The following ADAMTS9 variants were observed in gnomAD, a reference collection of about 807,000 sequenced individuals.
ADAMTS9 encodes ADAM metallopeptidase with thrombospondin type 1 motif 9.
A neutral mutation model predicts 257.1 loss-of-function variants in ADAMTS9; 107 were observed. The observed-to-expected ratio is 0.42, with a 90% CI of 0.36 to 0.49. ADAMTS9 has a LOEUF of 0.49. Ranked by LOEUF, ADAMTS9 falls within the 20% of genes least tolerant of loss-of-function variation. ADAMTS9 has a pLI of 0.03. For missense variants in ADAMTS9, 2,353 were observed against 2,469.1 expected, an observed-to-expected ratio of 0.95 and a Z score of 1.00; for synonymous variants, 982 against 880.9, an observed-to-expected ratio of 1.11 and a Z score of -2.03.
intron 28 of ADAMTS9, among the ~76,000 whole-genome samples, chr3:64,579,190 G>T (rs1277324250): frequency 6.6e-6 from 1 of 152,014 alleles, no homozygotes; most frequent in Non-Finnish European, 1.5e-5. Flanking sequence ...CACATCCTCT[G>T]TTCTAGCCAC....
chr3:64,614,702 AG>A (rs1306587358), intron 21 of ADAMTS9, among the ~76,000 whole-genome samples: 1 of 152,168 alleles, frequency 6.6e-6, no homozygotes, highest in African/African-American at 2.4e-5. Context: ...CATAAAAGCA[AG>A]AAAGAGGCTG....
At chr3:64,661,707 C>T (rs1036770433) in intron 3 of ADAMTS9, among the ~76,000 whole-genome samples, 15 of 152,102 alleles carry the variant, frequency 9.9e-5, no homozygotes, top group South Asian at 8.3e-4. Flanking sequence ...GATATTTTCA[C>T]GAAGATTTTT....
At chr3:64,606,415 C>G (rs2084557101) in intron 23 of ADAMTS9, among the ~76,000 whole-genome samples, 1 of 152,182 alleles carries the variant, frequency 6.6e-6, no homozygotes, top group African/African-American at 2.4e-5. Flanking sequence ...GCAGCACACC[C>G]TTACATAGTA....
chr3:64,633,797 G>A lies in ADAMTS9; in HGVS notation c.1939C>T (p.Arg647Ter), dbSNP rs776836604. ...GCACACTGTTCATCTCGGAAGTCTC[G>A]CTTCTGCTTGAGACATGGCTCCGTG... ...CNTEPCLKQK[R>*]DFRDEQCAHF... Residue 647 changes from arginine (R) to a stop codon, truncating the protein, a stop_gained, in exon 13 of 40, where the codon CGA becomes TGA. Coordinates refer to ENST00000498707, the MANE Select transcript of ADAMTS9 (RefSeq NM_182920.2). LOFTEE classifies it high-confidence loss of function. 1 of 1,612,798 alleles carries A rather than the reference G, an allele frequency of 6.2e-7. No homozygotes were observed. Among genetic ancestry groups the A allele is most frequent in the South Asian group, 1.1e-5 (1 of 91,000 alleles).
At chr3:64,558,782 AGGT>A (rs756606651) in intron 30 of ADAMTS9, among the ~76,000 whole-genome samples, 99 of 152,278 alleles carry the variant, frequency 6.5e-4, no homozygotes, top group Admixed American at 3.9e-3. Flanking sequence ...AAGAGTTCTG[AGGT>A]GGTGGCCAGG....
intron 38 of ADAMTS9, among the ~76,000 whole-genome samples, chr3:64,523,825 T>TA (rs973840974): frequency 6.6e-6 from 1 of 152,160 alleles, no homozygotes; most frequent in African/African-American, 2.4e-5. Context: ...AGCAGTGGGG[T>TA]AAAGTTTTAT....
intron 10 of ADAMTS9, among the ~76,000 whole-genome samples, chr3:64,649,262 T>C (rs1027792579): frequency 3.3e-5 from 5 of 152,084 alleles, no homozygotes; most frequent in African/African-American, 1.2e-4. Context: ...AGAGTCCCTA[T>C]AATTTAGGTC....
chr3:64,684,715 G>A (rs1487172877), intron 2 of ADAMTS9, among the ~76,000 whole-genome samples: 2 of 152,122 alleles, frequency 1.3e-5, no homozygotes, highest in Non-Finnish European at 1.5e-5. Context: ...TGAAGCCCTA[G>A]TCCTCAGTTC....
At chr3:64,668,970 A>G (rs1329381457) in intron 3 of ADAMTS9, among the ~76,000 whole-genome samples, 1 of 152,094 alleles carries the variant, frequency 6.6e-6, no homozygotes, top group African/African-American at 2.4e-5. Context: ...CTGGTTTATA[A>G]GGCCTGCAGC....
intron 29 of ADAMTS9, among the ~76,000 whole-genome samples, chr3:64,567,728 C>T (rs531195122): frequency 6.6e-6 from 1 of 151,564 alleles, no homozygotes; most frequent in African/African-American, 2.4e-5. Context: ...ACACATCACA[C>T]TTGTCCAAAC....
chr3:64,593,364 C>T (rs1353407441), intron 28 of ADAMTS9, among the ~76,000 whole-genome samples: 1 of 152,160 alleles, frequency 6.6e-6, no homozygotes, highest in East Asian at 1.9e-4. Flanking sequence ...GGTAAAAAAA[C>T]ATTCTGGATA....
chr3:64,628,119 C>T (rs981840777), intron 16 of ADAMTS9, among the ~76,000 whole-genome samples: 1 of 152,198 alleles, frequency 6.6e-6, no homozygotes. Context: ...CTTATGCCAA[C>T]AGGTGACTTT....
At chr3:64,618,113 T>A (rs189013556) in intron 19 of ADAMTS9, among the ~76,000 whole-genome samples, 30 of 152,318 alleles carry the variant, frequency 2.0e-4, no homozygotes, top group African/African-American at 7.0e-4. Flanking sequence ...CAAATAGGCA[T>A]GATCTTCTGG....
chr3:64,661,395 T>C (rs181096960), intron 3 of ADAMTS9, among the ~76,000 whole-genome samples: 307 of 152,332 alleles, frequency 2.0e-3, no homozygotes, highest in African/African-American at 7.0e-3. Context: ...AAGCACCTAC[T>C]ATGTACCAGG....
Position 64,681,185 on chromosome 3 carries a change from A to G in ADAMTS9, c.679+16T>C. 1 of 1,608,444 alleles carries G rather than the reference A, an allele frequency of 6.2e-7. No individual in the cohort carries two copies. Among genetic ancestry groups the G allele is most frequent in the African/African-American group, 1.3e-5 (1 of 74,772 alleles). On this transcript the variant is annotated intron_variant, in intron 3 of 39. Transcript: ENST00000498707. ...CTCAAAGAGCTGGGCTCTCCGCTTA[A>G]GCAAGAAGCAAATACCTGAGGTGTC...
At chr3:64,638,062 G>C (rs1306099852) in intron 12 of ADAMTS9, among the ~76,000 whole-genome samples, 2 of 152,176 alleles carry the variant, frequency 1.3e-5, no homozygotes, top group African/African-American at 2.4e-5. Flanking sequence ...TTCATAACCA[G>C]TTGCTATGGA....
chr3:64,531,616 A>G (rs548920225), intron 38 of ADAMTS9, among the ~76,000 whole-genome samples: 2 of 152,146 alleles, frequency 1.3e-5, no homozygotes, highest in African/African-American at 4.8e-5. Context: ...ACAGGCATGC[A>G]CCACCATGCC....
intron 22 of ADAMTS9, among the ~76,000 whole-genome samples, chr3:64,607,933 C>T (rs2084588694): frequency 6.6e-6 from 1 of 151,944 alleles, no homozygotes; most frequent in African/African-American, 2.4e-5. Context: ...AGAATGAGAT[C>T]CCACAAGCAC....
intron 19 of ADAMTS9, among the ~76,000 whole-genome samples, chr3:64,619,244 C>T (rs1490758987): frequency 6.6e-6 from 1 of 152,016 alleles, no homozygotes; most frequent in Non-Finnish European, 1.5e-5. Context: ...CGTTCTGATT[C>T]AATCAGTGGA....
Sources: allele counts gnomAD v4.1 joint callset (sites outside exome capture counted in the v4.1 genomes callset), GRCh38; gene constraint gnomAD v4.1.1; transcripts MANE v1.5; gene names NCBI Gene and HGNC (gene_info 2026-07-23, HGNC 2026-07-21).